The following LUC7L2 variants were observed in gnomAD, a reference collection of about 807,000 sequenced individuals.
LUC7L2 encodes LUC7 like 2, pre-mRNA splicing factor.
In LUC7L2, 25 loss-of-function variants were observed where a neutral mutation model predicts 52.8. That is an observed-to-expected ratio of 0.47 (90% CI 0.34 to 0.66). The LOEUF (loss-of-function observed/expected upper bound fraction) is 0.66, where lower values mean the gene tolerates loss of function less well. Ranked by LOEUF, LUC7L2 falls within the 30% of genes least tolerant of loss-of-function variation. LUC7L2 has a pLI of 0.01. For missense variants in LUC7L2, 328 were observed against 497.8 expected (o/e 0.66, Z 3.25); for synonymous variants, 144 against 160.9 (o/e 0.89, Z 0.80).
intron 4 of LUC7L2, 36 bp downstream of exon 4, chr7:139,402,283 TA>T (rs753634839): frequency 4.0e-6 from 6 of 1,516,328 alleles, no homozygotes. Flanking sequence ...TACAAAGTAT[TA>T]TTTCGACTCC....
At chr7:139,368,537 A>G (rs1178386524) in intron 1 of LUC7L2, among the ~76,000 whole-genome samples, 1 of 152,094 alleles carries the variant, frequency 6.6e-6, no homozygotes, top group Non-Finnish European at 1.5e-5. Context: ...TCAGGAGTTC[A>G]AGACCAGCCT....
chr7:139,417,278 C>G (rs978414166), intron 8 of LUC7L2: 14 of 348,286 alleles, frequency 4.0e-5, no homozygotes, highest in Non-Finnish European at 2.1e-5. Flanking sequence ...TGAGCTCAAG[C>G]GATCCTCCTG....
chr7:139,394,098 A>G (rs1317138063), intron 2 of LUC7L2, among the ~76,000 whole-genome samples: 4 of 151,990 alleles, frequency 2.6e-5, no homozygotes, highest in East Asian at 3.9e-4. Context: ...AACACTTAAG[A>G]AGGTAAGGAG....
chr7:139,405,560 T>TATCTAAG, intron 4 of LUC7L2, 84 bp from the exon 5 acceptor site: 1 of 1,459,180 alleles, frequency 6.9e-7, no homozygotes, highest in South Asian at 1.5e-5. Context: ...GATAACAAGT[T>TATCTAAG]TTTTCTCAGC....
At chr7:139,356,727 A>G (rs1799619666), upstream of LUC7L2, among the ~76,000 whole-genome samples, 1 of 152,158 alleles carries the variant, frequency 6.6e-6, no homozygotes, top group Non-Finnish European at 1.5e-5. Flanking sequence ...CCACAACAAT[A>G]TGTAAATGAA....
intron 1 of LUC7L2, among the ~76,000 whole-genome samples, chr7:139,360,788 A>G (rs1209233691): frequency 6.6e-6 from 1 of 152,062 alleles, no homozygotes; most frequent in African/African-American, 2.4e-5. Flanking sequence ...TCAGGAGGAA[A>G]CCTTTATTAC....
At chr7:139,354,748 T>G (rs991809292) in intron 1 of LUC7L2, among the ~76,000 whole-genome samples, 5 of 152,234 alleles carry the variant, frequency 3.3e-5, no homozygotes, top group African/African-American at 1.2e-4. Flanking sequence ...AAAAAAAGTT[T>G]TGGCTCACAA....
chr7:139,356,346 A>C (rs1236209619), upstream of LUC7L2, among the ~76,000 whole-genome samples: 3 of 148,146 alleles, frequency 2.0e-5, no homozygotes, highest in Admixed American at 6.8e-5. Context: ...AAAAAAAAGG[A>C]ACCTCCAACC....
chr7:139,390,557 G>GTT (rs528049490), intron 2 of LUC7L2, among the ~76,000 whole-genome samples: 1,425 of 125,142 alleles, frequency 0.011, 32 homozygotes, highest in East Asian at 0.041. Context: ...AGACAATGTA[G>GTT]TTTTTTTTTT....
At chr7:139,382,614 C>A (rs1034116436) in intron 2 of LUC7L2, among the ~76,000 whole-genome samples, 2 of 152,100 alleles carry the variant, frequency 1.3e-5, no homozygotes, top group Middle Eastern at 3.2e-3. Flanking sequence ...GCTGGTCTCA[C>A]ACTCCTGGGC....
chr7:139,421,864 A>T (rs572683869), intron 9 of LUC7L2, among the ~76,000 whole-genome samples: 8 of 152,312 alleles, frequency 5.3e-5, no homozygotes, highest in Admixed American at 1.3e-4. Context: ...ATTATTTTTT[A>T]TATTAAAATA....
At chr7:139,354,051 G>C (rs1799537725) in intron 1 of LUC7L2, among the ~76,000 whole-genome samples, 1 of 151,824 alleles carries the variant, frequency 6.6e-6, no homozygotes, top group African/African-American at 2.4e-5. Flanking sequence ...GGCAGGCAGG[G>C]GTTGCAGTGA....
intron 4 of LUC7L2, among the ~76,000 whole-genome samples, chr7:139,404,565 G>T (rs1795041897): frequency 6.6e-6 from 1 of 152,070 alleles, no homozygotes; most frequent in African/African-American, 2.4e-5. Context: ...ATTATAATTG[G>T]CCATACAGCA....
In LUC7L2 at chr7:139,364,726, C is replaced by T. The variant is rs557396618; in HGVS notation, c.61+4404C>T. Reference sequence around the variant, plus strand: ...TCTGTAAGATAGTATGACATTTCTGCCTTTCTGCAAAATTACTGAATCAAA... The same window carrying T: ...TCTGTAAGATAGTATGACATTTCTGTCTTTCTGCAAAATTACTGAATCAAA... On this transcript the variant is annotated intron_variant, in intron 1 of 9. Transcript: ENST00000354926. Among the ~76,000 whole-genome samples, 76 of 152,254 alleles carry T rather than the reference C, an allele frequency of 5.0e-4. 2 individuals are homozygous for T. The South Asian group carries it at 0.014, about 27-fold the overall frequency.
At chr7:139,346,445 C>T in intron 1 of LUC7L2, 1 of 152,004 alleles carries the variant, frequency 6.6e-6, no homozygotes, top group Admixed American at 6.6e-5. Flanking sequence ...TTTAAAAATA[C>T]ATAAATTTGA....
At chr7:139,384,400 G>C (rs1794100881) in intron 2 of LUC7L2, among the ~76,000 whole-genome samples, 1 of 152,008 alleles carries the variant, frequency 6.6e-6, no homozygotes, top group Admixed American at 6.6e-5. Context: ...CGAGTAGCTG[G>C]CATTACAGGC....
chr7:139,400,077 T>C (rs1415486608), intron 3 of LUC7L2, among the ~76,000 whole-genome samples: 5 of 152,172 alleles, frequency 3.3e-5, no homozygotes, highest in East Asian at 1.9e-4. Flanking sequence ...GGAAATGAAA[T>C]TGTTTTCAGA....
At chr7:139,406,355 T>G (rs1326653708) in intron 5 of LUC7L2, among the ~76,000 whole-genome samples, 2 of 73,602 alleles carry the variant, frequency 2.7e-5, no homozygotes, top group South Asian at 3.8e-4. Flanking sequence ...CCAGGGCCTT[T>G]TTTTTTTTTT....
At chr7:139,365,262 A>G (rs908840988) in intron 1 of LUC7L2, among the ~76,000 whole-genome samples, 2 of 152,230 alleles carry the variant, frequency 1.3e-5, no homozygotes, top group Non-Finnish European at 2.9e-5. Context: ...TCGTTCCTGG[A>G]TTCTCTACAG....
Sources: gnomAD v4.1 joint callset for allele counts (sites outside exome capture counted in the v4.1 genomes callset) on GRCh38, gnomAD v4.1.1 for gene constraint, MANE v1.5 for transcripts, NCBI Gene and HGNC (gene_info 2026-07-23, HGNC 2026-07-21) for gene names.